Variants in DSC2 observed in about 807,000 individuals in gnomAD.
DSC2 encodes desmocollin-2.
DSC2 carries 51 observed loss-of-function variants against 87.6 expected under a neutral mutation model. The ratio of observed to expected loss-of-function variants is 0.58; its 90% CI spans 0.46 to 0.74. DSC2 has a LOEUF of 0.74. DSC2 is among the 30% of genes least tolerant of loss of function. The probability of loss-of-function intolerance (pLI) is 0.00; values close to 1 mark genes in which losing one functional copy is unlikely to be tolerated. For missense variants in DSC2, 1,066 were observed against 1,089.5 expected (o/e 0.98, Z 0.30); for synonymous variants, 383 against 393.2 (o/e 0.97, Z 0.31).
intron 1 of DSC2, among the ~76,000 whole-genome samples, chr18:31,097,169 T>C (rs1337355748): frequency 1.3e-5 from 2 of 150,920 alleles, no homozygotes; most frequent in Non-Finnish European, 2.9e-5. Context: ...GCACCGGTAG[T>C]CCCGGCTACT....
At position 31,087,700 on chromosome 18, in the gene DSC2, A is replaced by T. The variant is rs756495155; in HGVS notation, c.744T>A (p.Tyr248Ter). Reference protein sequence around the residue: ...DNYPIFTEETYTFTIFENCRV... With the variant: ...DNYPIFTEET ...TGCAATTTTCAAAAATTGTAAAAGT[A>T]TAAGTTTCTTCTGTAAAAATTGGGT... The change falls in exon 6 of 16, where the codon TAT becomes TAA. Residue 248 changes from tyrosine to a stop codon, truncating the protein, a stop_gained. Transcript: ENST00000280904. LOFTEE classifies it high-confidence loss of function. The T allele has an allele frequency of 5.0e-6, 8 of 1,613,286 alleles. No homozygotes were observed. The highest frequency in any genetic ancestry group is 6.8e-6 in the Non-Finnish European group (8 of 1,179,832).
intron 15 of DSC2, 33 bp from the exon 16 acceptor site, chr18:31,068,245 T>A: frequency 6.2e-7 from 1 of 1,612,920 alleles, no homozygotes; most frequent in Non-Finnish European, 8.5e-7. Flanking sequence ...GTTTTTATTA[T>A]TATTATTTTA....
intron 1 of DSC2, among the ~76,000 whole-genome samples, chr18:31,094,500 C>G (rs768300678): frequency 2.6e-5 from 4 of 152,194 alleles, no homozygotes; most frequent in Non-Finnish European, 5.9e-5. Context: ...CGTAAACACA[C>G]TGAAATTTAA....
At chr18:31,101,085 C>CG (rs11443389) in intron 1 of DSC2, 26,730 of 596,966 alleles carry the variant, frequency 0.045, 988 homozygotes, top group African/African-American at 0.15. Flanking sequence ...GGCGGTGGCG[C>CG]GGGGGGCGGG....
In DSC2 at chr18:31,060,852, A is replaced by C. The variant is rs1986486857; in HGVS notation, c.*7163T>G. 1 of 152,220 alleles carries C rather than the reference A, an allele frequency of 6.6e-6. No homozygotes were observed. The highest frequency in any genetic ancestry group is 6.5e-5 in the Admixed American group (1 of 15,280). The allele number at this position is 152,220 out of a possible 1,614,324, so 9.4% of individuals were successfully genotyped here. A position where few individuals can be genotyped will look rare whatever the true frequency, so the allele number is the denominator to read the frequency against. On this transcript the variant is annotated 3_prime_UTR_variant, in exon 16 of 16. Transcript: ENST00000280904. Reference sequence around the variant, plus strand: ...GTACATTCTGAAATGCTTAATTTGCAGACATTGTGAAATTTTACTCATCAA... The same window carrying C: ...GTACATTCTGAAATGCTTAATTTGCCGACATTGTGAAATTTTACTCATCAA...
rs886038828 is a variant in DSC2 at position 31,092,219 on chromosome 18, A to C, written c.236T>G (p.Val79Gly). The part of the protein sequence containing the change: ...PDFQILEDGS[V>G]YTTNTILLSS... The stretch of plus-strand genomic sequence containing the variant: ...CAATAGAATAGTATTTGTTGTATAG[A>C]CTGAACCATCCTCCAAAATTTGGAA... Residue 79 changes from valine (V) to glycine (G), a missense_variant, in exon 3 of 16, where the codon GTC (valine) becomes GGC (glycine). Val to Gly is a moderately radical substitution (Grantham distance 109). Transcript: ENST00000280904. The C allele has an allele frequency of 6.2e-7, 1 of 1,613,800 alleles. No homozygotes were observed. The highest frequency in any genetic ancestry group is 8.5e-7 in the Non-Finnish European group (1 of 1,179,816).
In DSC2 at chr18:31,089,427, T is replaced by C. The variant is rs1411517382; in HGVS notation, c.630+12A>G. 2 of 1,613,368 alleles carry C rather than the reference T, an allele frequency of 1.2e-6. No homozygotes were observed. The highest frequency in any genetic ancestry group is 1.7e-6 in the Non-Finnish European group (2 of 1,179,746). Reference sequence around the variant, plus strand: ...ATCATTGCTAATACAGTACACACATTTTAGACTTTACCTCAAAAGATTCAT... The same window carrying C: ...ATCATTGCTAATACAGTACACACATCTTAGACTTTACCTCAAAAGATTCAT... On this transcript the variant is annotated intron_variant, in intron 5 of 15. Transcript: ENST00000280904.
intron 9 of DSC2, among the ~76,000 whole-genome samples, chr18:31,080,826 G>A (rs2144815536): frequency 6.6e-6 from 1 of 152,250 alleles, no homozygotes; most frequent in South Asian, 2.1e-4. Flanking sequence ...AAACTATCCA[G>A]TCTCAGGTAG....
In DSC2 at chr18:31,092,105, G is replaced by C. The variant is rs1987619661; in HGVS notation, c.350C>G (p.Thr117Arg). 1.2e-6 allele frequency: 2 copies of C among 1,611,688 alleles called. No individual in the cohort carries two copies. The highest frequency in any genetic ancestry group is 1.7e-6 in the Non-Finnish European group (2 of 1,178,706). The change falls in exon 3 of 16, where the codon ACA becomes AGA. Residue 117 changes from threonine to arginine, a missense_variant. Transcript: ENST00000280904. ...KKIFVFLEHQ[T>R]KVLKKRHTKE... ...CATTTATGTAGCCTTGTATACCTTT[G>C]TTTGATGCTCCAAAAAGACAAATAT...
intron 1 of DSC2, among the ~76,000 whole-genome samples, chr18:31,099,494 T>C (rs2144864994): frequency 6.7e-6 from 1 of 150,284 alleles, no homozygotes; most frequent in East Asian, 2.0e-4. Flanking sequence ...GTAGATCTCA[T>C]GTTATGTCAT....
chr18:31,092,021 C>T (rs889786043), intron 3 of DSC2, 80 bp downstream of exon 3: 1 of 1,446,614 alleles, frequency 6.9e-7, no homozygotes, highest in African/African-American at 1.4e-5. Context: ...CATATCCTTT[C>T]TGATTTCATA....
rs1378088515 is a variant in DSC2, at chr18:31,061,837, G to A, written c.*6178C>T. On this transcript the variant is annotated 3_prime_UTR_variant, in exon 16 of 16. Coordinates refer to ENST00000280904, the MANE Select transcript of DSC2 (RefSeq NM_024422.6). ...AACACAAGGACAGGTGGGGAGAGAA[G>A]AGCTTCTTGGAAGAAAGATCAGATC... 1.3e-5 allele frequency: 2 copies of A among 152,144 alleles called. No homozygotes were observed. Among genetic ancestry groups the A allele is most frequent in the African/African-American group, 4.8e-5 (2 of 41,442 alleles). The allele number at this position is 152,144 out of a possible 1,614,324, so 9.4% of individuals were successfully genotyped here.
Position 31,067,815 on chromosome 18 carries a change from A to T in DSC2, c.*200T>A, listed in dbSNP as rs947651642. On this transcript the variant is annotated 3_prime_UTR_variant, in exon 16 of 16. Transcript: ENST00000280904. The stretch of plus-strand genomic sequence containing the variant: ...TCCTTGGATAGAAGATAAGTAATTT[A>T]AAAATATGTAAAAATTGAAAAATTT... The T allele has an allele frequency of 3.5e-6, 2 of 572,542 alleles. No homozygotes were observed. The highest frequency in any genetic ancestry group is 6.2e-6 in the Non-Finnish European group (2 of 325,184). 35.5% of individuals were successfully genotyped at this position (572,542 alleles called of 1,614,324 possible).
At chr18:31,082,573 G>T in intron 8 of DSC2, 150 bp from the exon 9 acceptor site, 1 of 771,498 alleles carries the variant, frequency 1.3e-6, no homozygotes, top group Non-Finnish European at 2.1e-6. Flanking sequence ...ATGTCACTGG[G>T]GCACTTCATT....
At chr18:31,087,263 G>C (rs1002757295) in intron 6 of DSC2, among the ~76,000 whole-genome samples, 6 of 152,164 alleles carry the variant, frequency 3.9e-5, no homozygotes, top group Admixed American at 3.9e-4. Context: ...TTTAATCCTA[G>C]AGAACATCCG....
intron 12 of DSC2, among the ~76,000 whole-genome samples, chr18:31,074,154 G>A (rs947437164): frequency 2.0e-5 from 3 of 152,138 alleles, no homozygotes; most frequent in African/African-American, 7.2e-5. Context: ...TTGTCATTTG[G>A]CTTGTGCTGC....
At chr18:31,094,295 A>G (rs1987697895) in intron 1 of DSC2, among the ~76,000 whole-genome samples, 1 of 152,248 alleles carries the variant, frequency 6.6e-6, no homozygotes, top group South Asian at 2.1e-4. Flanking sequence ...ACAAACATTA[A>G]CTTATTGCCA....
intron 11 of DSC2, among the ~76,000 whole-genome samples, chr18:31,079,219 T>C (rs558957824): frequency 1.3e-5 from 2 of 152,252 alleles, no homozygotes; most frequent in South Asian, 2.1e-4. Flanking sequence ...GTAGATAAAC[T>C]GAAACAAGTT....
At chr18:31,095,274 A>G (rs1163114961) in intron 1 of DSC2, among the ~76,000 whole-genome samples, 1 of 152,238 alleles carries the variant, frequency 6.6e-6, no homozygotes, top group African/African-American at 2.4e-5. Context: ...ATAGCAGCAG[A>G]GCACAGCGAG....
Sources: gnomAD v4.1 joint callset for allele counts (sites outside exome capture counted in the v4.1 genomes callset) on GRCh38, gnomAD v4.1.1 for gene constraint, MANE v1.5 for transcripts, NCBI Gene and HGNC (gene_info 2026-07-23, HGNC 2026-07-21) for gene names.